NIN: variants seen among roughly 807,000 people sequenced by gnomAD.
The protein encoded by NIN is ninein.
In NIN, 137 loss-of-function variants were observed where a neutral mutation model predicts 257.6. The observed-to-expected ratio is 0.53, with a 90% CI of 0.46 to 0.61. NIN has a LOEUF of 0.61. Among genes scored for constraint, NIN ranks in the 20% least tolerant of loss-of-function variants. NIN has a pLI of 0.00. For missense variants in NIN, 2,439 were observed against 2,501.2 expected, an observed-to-expected ratio of 0.98 and a Z score of 0.53; for synonymous variants, 918 against 919.8, an observed-to-expected ratio of 1.00 and a Z score of 0.04.
chr14:50,752,523 C>T lies in NIN; in HGVS notation c.4945G>A (p.Val1649Met). The T allele has an allele frequency of 6.2e-7, 1 of 1,613,296 alleles. No individual in the cohort carries two copies. The highest frequency in any genetic ancestry group is 8.5e-7 in the Non-Finnish European group (1 of 1,179,458). Residue 1649 changes from valine (V) to methionine (M), a missense_variant, in exon 21 of 31, where the codon GTG becomes ATG. This residue lies in a region of NIN where 2,043 missense variants were observed against 2,050.2 expected (regional missense o/e 1.00). Coordinates refer to ENST00000530997, the MANE Select transcript of NIN (RefSeq NM_020921.4). Reference protein sequence around the residue: ...NLKEELERCKVQSSTLVSSLE... With the variant: ...NLKEELERCKMQSSTLVSSLE... ...CAGGTGGCTACAGGCCATACCTGCA[C>T]TTTACAACGTTCCAGTTCTTCTTTC... is the stretch of plus-strand genomic sequence containing the variant.
intron 5 of NIN, among the ~76,000 whole-genome samples, chr14:50,780,397 G>A (rs772492734): frequency 6.6e-6 from 1 of 152,184 alleles, no homozygotes; most frequent in East Asian, 1.9e-4. Context: ...AAATAAACTC[G>A]ACAGGAAAGT....
chr14:50,805,245 C>T (rs1206524507), intron 4 of NIN, among the ~76,000 whole-genome samples: 31 of 152,126 alleles, frequency 2.0e-4, no homozygotes, highest in Non-Finnish European at 7.3e-5. Context: ...AGATGTCGCA[C>T]CATTGTCATC....
At chr14:50,804,194 G>C (rs774174757) in intron 4 of NIN, among the ~76,000 whole-genome samples, 8 of 152,162 alleles carry the variant, frequency 5.3e-5, no homozygotes, top group Non-Finnish European at 7.3e-5. Flanking sequence ...ACCGCACCCA[G>C]CTCAGAGTCA....
At chr14:50,815,919 T>C (rs955444917) in intron 3 of NIN, among the ~76,000 whole-genome samples, 1 of 152,088 alleles carries the variant, frequency 6.6e-6, no homozygotes, top group African/African-American at 2.4e-5. Context: ...TGAGGCAGAA[T>C]TGCTTGAACC....
chr14:50,781,758 T>G (rs1353318151), intron 5 of NIN, among the ~76,000 whole-genome samples: 1 of 152,196 alleles, frequency 6.6e-6, no homozygotes, highest in Non-Finnish European at 1.5e-5. Context: ...TTTCATGGAG[T>G]TATGGTAAAG....
At chr14:50,762,644 C>A (rs1382096936) in intron 15 of NIN, among the ~76,000 whole-genome samples, 1 of 152,132 alleles carries the variant, frequency 6.6e-6, no homozygotes, top group South Asian at 2.1e-4. Context: ...CTGCCCACGA[C>A]GATGACTGAG....
intron 23 of NIN, among the ~76,000 whole-genome samples, chr14:50,743,801 G>A (rs2041405995): frequency 6.6e-6 from 1 of 152,000 alleles, no homozygotes; most frequent in Admixed American, 6.6e-5. Flanking sequence ...ATGGTAAGCT[G>A]GAAGGCCATT....
intron 5 of NIN, among the ~76,000 whole-genome samples, chr14:50,783,565 C>A (rs968156575): frequency 6.6e-6 from 1 of 151,444 alleles, no homozygotes; most frequent in African/African-American, 2.4e-5. Flanking sequence ...TTCCTTCTAC[C>A]TAGTCTCCAC....
chr14:50,764,218 A>G (rs1595809001), intron 14 of NIN, among the ~76,000 whole-genome samples: 1 of 152,232 alleles, frequency 6.6e-6, no homozygotes, highest in Non-Finnish European at 1.5e-5. Flanking sequence ...ATATTTCTCT[A>G]ATGATGATAT....
At chr14:50,729,785 T>C (rs1004434819) in intron 28 of NIN, 62 bp from the exon 29 acceptor site, 1 of 1,320,548 alleles carries the variant, frequency 7.6e-7, no homozygotes, top group Non-Finnish European at 1.0e-6. Context: ...CTGCCCTTTA[T>C]GGTGTCAGGC....
At chr14:50,799,676 T>G (rs1035612681) in intron 4 of NIN, among the ~76,000 whole-genome samples, 2 of 152,204 alleles carry the variant, frequency 1.3e-5, no homozygotes, top group African/African-American at 4.8e-5. Context: ...GGAAACCTTC[T>G]TATATATCCA....
rs929414120 is a variant in NIN at position 50,810,805 on chromosome 14, C to T, written c.184-3987G>A. 3.3e-5 allele frequency among the ~76,000 whole-genome samples: 5 copies of T among 152,068 alleles called. No individual in the cohort carries two copies. In the East Asian group the frequency reaches 5.8e-4, roughly 18 times the overall value. ...CCTCCCGAGTAGCTGGGACTACAGGCGCCCACCACCATGCCTGGCTAATTT... is the reference window on the plus strand; with the variant it reads ...CCTCCCGAGTAGCTGGGACTACAGGTGCCCACCACCATGCCTGGCTAATTT... On this transcript the variant is annotated intron_variant, in intron 3 of 30. Transcript: ENST00000530997.
Position 50,729,585 on chromosome 14 carries a change from T to C in NIN, c.6016A>G (p.Arg2006Gly). Reference protein sequence around the residue: ...QLQRQLLQAERINQHLQEELE... With the variant: ...QLQRQLLQAEGINQHLQEELE... ...TCCTCCTGCAGGTGCTGGTTTATCCTTTCTGCCTGCAGCAGCTGGCGTTGA... is the reference window on the plus strand; with the variant it reads ...TCCTCCTGCAGGTGCTGGTTTATCCCTTCTGCCTGCAGCAGCTGGCGTTGA... The change falls in exon 29 of 31, where the codon AGG becomes GGG. Residue 2006 changes from arginine (R) to glycine (G), a missense_variant. By Grantham distance (125) the Arg-to-Gly change is moderately radical. Around this residue, in one of 3 missense-constraint regions of NIN, gnomAD observed 2,043 missense variants for 2,050.2 expected, o/e 1.00. Coordinates refer to ENST00000530997, the MANE Select transcript of NIN (RefSeq NM_020921.4). 1 of 1,614,180 alleles carries C rather than the reference T, an allele frequency of 6.2e-7. No homozygotes were observed. Among genetic ancestry groups the C allele is most frequent in the Admixed American group, 1.7e-5 (1 of 60,028 alleles).
intron 3 of NIN, among the ~76,000 whole-genome samples, 174 bp downstream of exon 3, chr14:50,821,700 C>T (rs1295486994): frequency 1.3e-5 from 2 of 152,162 alleles, no homozygotes; most frequent in Non-Finnish European, 2.9e-5. Context: ...AAAGCAGGCT[C>T]TTGTCACCCT....
At chr14:50,800,350 C>G (rs1298396742) in intron 4 of NIN, among the ~76,000 whole-genome samples, 4 of 152,150 alleles carry the variant, frequency 2.6e-5, no homozygotes, top group African/African-American at 9.7e-5. Context: ...TTTAGGAAAT[C>G]TGAAGTATAT....
intron 5 of NIN, among the ~76,000 whole-genome samples, chr14:50,783,453 T>G (rs1286586250): frequency 6.6e-6 from 1 of 152,174 alleles, no homozygotes; most frequent in Non-Finnish European, 1.5e-5. Flanking sequence ...AGGACCACCC[T>G]GTTAAAAGGA....
At chr14:50,814,704 C>T (rs10139412) in intron 3 of NIN, among the ~76,000 whole-genome samples, 150,312 of 152,284 alleles carry the variant, frequency 0.99, 74,222 homozygotes, top group Middle Eastern at 1. Flanking sequence ...CATAGACCAA[C>T]AGAACAGAAT....
In NIN at chr14:50,801,279, C is replaced by T. The variant is rs149658611; in HGVS notation, c.265+5458G>A. On this transcript the variant is annotated intron_variant, in intron 4 of 30. Transcript: ENST00000530997. Reference sequence around the variant, plus strand: ...CTAATTTTTGTATTTTTAGTAGAGACGGGGTTTCACCATGTTGGTCAGACT... The same window carrying T: ...CTAATTTTTGTATTTTTAGTAGAGATGGGGTTTCACCATGTTGGTCAGACT... Among the ~76,000 whole-genome samples, 10 of 152,206 alleles carry T rather than the reference C, an allele frequency of 6.6e-5. 1 individual carries two copies. The highest frequency in any genetic ancestry group is 2.4e-4 in the African/African-American group (10 of 41,542).
intron 22 of NIN, 152 bp downstream of exon 22, chr14:50,747,840 C>T (rs554729725): frequency 4.0e-4 from 236 of 590,064 alleles, no homozygotes; most frequent in Non-Finnish European, 6.1e-4. Flanking sequence ...CACTTTAGGT[C>T]CTCAACTTTG....
Sources: allele counts gnomAD v4.1 joint callset (sites outside exome capture counted in the v4.1 genomes callset), GRCh38; gene constraint gnomAD v4.1.1; regional missense constraint gnomAD v4.1.1; transcripts MANE v1.5; gene names NCBI Gene and HGNC (gene_info 2026-07-23, HGNC 2026-07-21).